The following KLF13 variants were observed in gnomAD, a reference collection of about 807,000 sequenced individuals.
The protein encoded by KLF13 is Krueppel-like factor 13.
A neutral mutation model predicts 16.7 loss-of-function variants in KLF13; 8 were observed. That is an observed-to-expected ratio of 0.48 (90% CI 0.28 to 0.87). KLF13 has a LOEUF of 0.87. KLF13 is among the 40% of genes least tolerant of loss of function. The pLI, the probability that KLF13 is intolerant of heterozygous loss-of-function variation, is 0.10. For missense variants in KLF13, 447 were observed against 452.2 expected, an observed-to-expected ratio of 0.99 and a Z score of 0.10; for synonymous variants, 245 against 208.4, an observed-to-expected ratio of 1.18 and a Z score of -1.51.
At chr15:31,334,326 G>T (rs1205046105) in intron 1 of KLF13, among the ~76,000 whole-genome samples, 1 of 152,202 alleles carries the variant, frequency 6.6e-6, no homozygotes, top group African/African-American at 2.4e-5. Flanking sequence ...AGGGCCTACG[G>T]CGGGTGACAC....
chr15:31,428,551 C>A (rs28623689), intron 1 of KLF13, among the ~76,000 whole-genome samples: 19,883 of 151,944 alleles, frequency 0.13, 3,837 homozygotes, highest in African/African-American at 0.42. Flanking sequence ...TCACGCCTGT[C>A]ATCCCAGCAC....
intron 1 of KLF13, chr15:31,420,266 G>T: frequency 1.3e-6 from 1 of 755,026 alleles, no homozygotes; most frequent in South Asian, 1.3e-5. Flanking sequence ...GATATCTGGT[G>T]ACAAAGGGAT....
rs564564337 is a variant in KLF13, at chr15:31,371,129, G to A, written c.578-881G>A. Among the ~76,000 whole-genome samples the A allele has an allele frequency of 4.6e-5, 7 of 152,280 alleles. No individual in the cohort carries two copies. In the South Asian group the frequency reaches 1.2e-3, roughly 27 times the overall value. ...CTGGGGTGCCAGAGCCCCCCACCCT[G>A]GTTCTTCCTGAGCAGTTGATGTCAT... is the stretch of plus-strand genomic sequence containing the variant. On this transcript the variant is annotated intron_variant, in intron 1 of 1. Coordinates refer to ENST00000307145, the MANE Select transcript of KLF13 (RefSeq NM_015995.4).
chr15:31,341,812 C>T (rs1376241699), intron 1 of KLF13, among the ~76,000 whole-genome samples: 1 of 152,198 alleles, frequency 6.6e-6, no homozygotes, highest in African/African-American at 2.4e-5. Flanking sequence ...GGGTGATGCT[C>T]CTGGCATCCC....
intron 1 of KLF13, among the ~76,000 whole-genome samples, chr15:31,362,785 G>T (rs1485618389): frequency 6.6e-6 from 1 of 152,112 alleles, no homozygotes; most frequent in Non-Finnish European, 1.5e-5. Flanking sequence ...GCACATACAG[G>T]CCAAGGCGCA....
intron 1 of KLF13, among the ~76,000 whole-genome samples, chr15:31,368,517 ACTT>A (rs746912377): frequency 9.9e-5 from 15 of 152,182 alleles, no homozygotes; most frequent in Admixed American, 3.9e-4. Flanking sequence ...ATATTTAAAC[ACTT>A]CTTCTTCTTG....
chr15:31,327,122 CCG>C lies in KLF13; in HGVS notation c.-89_-88del. On this transcript the variant is annotated 5_prime_UTR_variant, in exon 1 of 2. Transcript: ENST00000307145. ...CCCGAGGAGAGGGCGCGCCGCGCCCCCGCCCCCCGCCCGCTCTCCCGAGGCCG... is the reference window on the plus strand; with the variant it reads ...CCCGAGGAGAGGGCGCGCCGCGCCCCCCCCCCGCCCGCTCTCCCGAGGCCG... 8.0e-6 allele frequency: 9 copies of C among 1,119,242 alleles called. No individual in the cohort carries two copies. Among genetic ancestry groups the C allele is most frequent in the Non-Finnish European group, 1.0e-5 (9 of 900,258 alleles). The allele number at this position is 1,119,242 out of a possible 1,614,324, so 69.3% of individuals were successfully genotyped here.
intron 1 of KLF13, among the ~76,000 whole-genome samples, chr15:31,414,598 T>C (rs942541017): frequency 7.2e-5 from 11 of 152,148 alleles, no homozygotes; most frequent in African/African-American, 2.7e-4. Flanking sequence ...AAATATACTT[T>C]AAAACAAAAT....
chr15:31,410,044 A>T (rs867359949), intron 1 of KLF13, among the ~76,000 whole-genome samples: 4 of 152,188 alleles, frequency 2.6e-5, no homozygotes, highest in Admixed American at 6.5e-5. Context: ...AAACTATAAG[A>T]TCAGTGTATC....
intron 1 of KLF13, among the ~76,000 whole-genome samples, chr15:31,429,138 G>T (rs530855756): frequency 0.018 from 2,670 of 152,230 alleles, 34 homozygotes; most frequent in Middle Eastern, 0.031. Flanking sequence ...CATTCTGTAT[G>T]TTCATTTAAT....
chr15:31,344,985 G>T (rs1042772285), intron 1 of KLF13, among the ~76,000 whole-genome samples: 1 of 152,218 alleles, frequency 6.6e-6, no homozygotes, highest in Non-Finnish European at 1.5e-5. Context: ...TGGCCAGGGA[G>T]TGTGAGCTGT....
intron 1 of KLF13, among the ~76,000 whole-genome samples, chr15:31,421,238 C>A (rs2040318770): frequency 1.3e-5 from 2 of 152,042 alleles, no homozygotes; most frequent in South Asian, 2.1e-4. Context: ...TTTATCCACA[C>A]TAAATCTACC....
chr15:31,410,637 T>A, intron 1 of KLF13, among the ~76,000 whole-genome samples: 1 of 143,614 alleles, frequency 7.0e-6, no homozygotes, highest in Non-Finnish European at 1.5e-5. Context: ...CCCTATAACA[T>A]CAAAGTAAAA....
At chr15:31,400,305 A>C (rs974421386) in intron 2 of KLF13, among the ~76,000 whole-genome samples, 4 of 152,200 alleles carry the variant, frequency 2.6e-5, no homozygotes, top group Non-Finnish European at 4.4e-5. Context: ...GAGGCAAGAA[A>C]CCATCCTCAG....
At chr15:31,402,049 G>A (rs1203693077) in intron 2 of KLF13, among the ~76,000 whole-genome samples, 1 of 152,244 alleles carries the variant, frequency 6.6e-6, no homozygotes, top group African/African-American at 2.4e-5. Context: ...GAGCGTGCCC[G>A]AGGAGAAGTG....
At chr15:31,435,645 A>T (rs2040522488) in exon 2 of KLF13, 1 of 152,234 alleles carries the variant, frequency 6.6e-6, no homozygotes, top group African/African-American at 2.4e-5. Context: ...AAGTAAACAG[A>T]ATAAAAGAGA....
In KLF13 at chr15:31,357,424, G is replaced by C. The variant is rs115356021; in HGVS notation, c.578-14586G>C. ...CGGCCCAGAGAGCCTCGAGCTGCGTGGGGGCTTCTGGGTGCCCATCAGGCT... is the reference window on the plus strand; with the variant it reads ...CGGCCCAGAGAGCCTCGAGCTGCGTCGGGGCTTCTGGGTGCCCATCAGGCT... On this transcript the variant is annotated intron_variant, in intron 1 of 1. Transcript: ENST00000307145. Among the ~76,000 whole-genome samples, 915 of 152,362 alleles carry C rather than the reference G, an allele frequency of 6.0e-3. 8 individuals carry two copies. The highest frequency in any genetic ancestry group is 0.021 in the African/African-American group (870 of 41,584).
downstream of KLF13, among the ~76,000 whole-genome samples, chr15:31,407,003 T>A (rs2040137273): frequency 6.6e-6 from 1 of 152,208 alleles, no homozygotes; most frequent in South Asian, 2.1e-4. Context: ...GCAAAGTCCC[T>A]TTTTCCATGT....
At chr15:31,420,051 A>AG in intron 1 of KLF13, 1 of 290,728 alleles carries the variant, frequency 3.4e-6, no homozygotes, top group East Asian at 8.2e-5. Context: ...AAGTGCTGGA[A>AG]GAAAAAAACC....
Sources: allele counts gnomAD v4.1 joint callset (sites outside exome capture counted in the v4.1 genomes callset), GRCh38; gene constraint gnomAD v4.1.1; transcripts MANE v1.5; gene names NCBI Gene and HGNC (gene_info 2026-07-23, HGNC 2026-07-21).